Variants in LRRC59 observed in about 807,000 individuals in gnomAD.
LRRC59 encodes leucine rich repeat containing 59, also known as leucine-rich repeat-containing protein 59.
LRRC59 carries 18 observed loss-of-function variants against 33.5 expected under a neutral mutation model. The observed-to-expected ratio is 0.54, with a 90% CI of 0.37 to 0.80. The LOEUF is 0.80. Among genes scored for constraint, LRRC59 ranks in the 30% least tolerant of loss-of-function variants. The pLI, the probability that LRRC59 is intolerant of heterozygous loss-of-function variation, is 0.00. For missense variants in LRRC59, 330 were observed against 391.9 expected, an observed-to-expected ratio of 0.84 and a Z score of 1.33; for synonymous variants, 138 against 160.0, an observed-to-expected ratio of 0.86 and a Z score of 1.04.
chr17:50,394,894 C>T, intron 2 of LRRC59, 35 bp downstream of exon 2: 1 of 1,496,814 alleles, frequency 6.7e-7, no homozygotes, highest in Non-Finnish European at 9.2e-7. Flanking sequence ...GCATCCAAGG[C>T]ACCAGAAGGA....
chr17:50,382,198 A>G lies in LRRC59; in HGVS notation c.*790T>C, dbSNP rs1487002029. On this transcript the variant is annotated 3_prime_UTR_variant, in exon 7 of 7. Transcript: ENST00000225972. ...GACCTGATGATAGCAAGAGATTTCT[A>G]TCTCTGAGTCGTGAAATCTGTCTAC... is the stretch of plus-strand genomic sequence containing the variant. 6.6e-6 allele frequency: 1 copy of G among 152,382 alleles called. No individual in the cohort carries two copies. The highest frequency in any genetic ancestry group is 1.5e-5 in the Non-Finnish European group (1 of 68,038). The allele number at this position is 152,382 out of a possible 1,614,324, so 9.4% of individuals were successfully genotyped here.
In LRRC59 at chr17:50,382,908, AAG is replaced by A. The variant is rs2143349536; in HGVS notation, c.*78_*79del. The A allele has an allele frequency of 6.5e-7, 1 of 1,541,100 alleles. No individual in the cohort carries two copies. Among genetic ancestry groups the A allele is most frequent in the Non-Finnish European group, 8.8e-7 (1 of 1,139,636 alleles). ...GATGGCAGGTAGGTCTGATGCTAAA[AAG>A]AGGTTGTGTCCAGCAGAACCCAATT... On this transcript the variant is annotated 3_prime_UTR_variant, in exon 7 of 7. Coordinates refer to ENST00000225972, the MANE Select transcript of LRRC59 (RefSeq NM_018509.4).
rs1913878952 is a variant in LRRC59, at chr17:50,382,334, G to C, written c.*654C>G. The C allele has an allele frequency of 6.6e-6, 1 of 152,534 alleles. No homozygotes were observed. The allele number at this position is 152,534 out of a possible 1,614,324, so 9.4% of individuals were successfully genotyped here. A position where few individuals can be genotyped will look rare whatever the true frequency, so the allele number is the denominator to read the frequency against. Reference sequence around the variant, plus strand: ...GATGTAAAGGGAAGAAAGAATACCAGAGTGGGAATCCAGTTTTGCCTCAAA... The same window carrying C: ...GATGTAAAGGGAAGAAAGAATACCACAGTGGGAATCCAGTTTTGCCTCAAA... On this transcript the variant is annotated 3_prime_UTR_variant, in exon 7 of 7. Transcript: ENST00000225972.
intron 5 of LRRC59, among the ~76,000 whole-genome samples, chr17:50,387,704 T>G (rs926488583): frequency 2.0e-5 from 3 of 152,144 alleles, no homozygotes; most frequent in African/African-American, 7.2e-5. Context: ...ATTAACATCT[T>G]TCCTATTTTA....
At chr17:50,392,344 G>T in intron 4 of LRRC59, 54 bp downstream of exon 4, 1 of 1,445,058 alleles carries the variant, frequency 6.9e-7, no homozygotes, top group Non-Finnish European at 9.7e-7. Flanking sequence ...AACAGGAGGA[G>T]GAGAAATCCC....
chr17:50,395,108 G>T, intron 1 of LRRC59, 120 bp from the exon 2 acceptor site: 1 of 650,382 alleles, frequency 1.5e-6, no homozygotes, highest in East Asian at 2.8e-5. Flanking sequence ...TTTTAAAATG[G>T]CAGTAAAGAG....
At chr17:50,387,708 T>C (rs146178079) in intron 5 of LRRC59, among the ~76,000 whole-genome samples, 197 of 152,286 alleles carry the variant, frequency 1.3e-3, no homozygotes, top group African/African-American at 4.3e-3. Context: ...ACATCTTTCC[T>C]ATTTTAGGCT....
Position 50,397,342 on chromosome 17 carries a change from G to A in LRRC59, c.-25C>T, listed in dbSNP as rs762644981. 6.3e-7 allele frequency: 1 copy of A among 1,580,262 alleles called. No individual in the cohort carries two copies. The highest frequency in any genetic ancestry group is 2.3e-5 in the East Asian group (1 of 42,758). On this transcript the variant is annotated 5_prime_UTR_variant, in exon 1 of 7. Coordinates refer to ENST00000225972, the MANE Select transcript of LRRC59 (RefSeq NM_018509.4). ...TGGTAACGCCGGCTGAGCGGGCCCC[G>A]GCTCCGGGGTTCCGGCGGGTGAAAG... is the stretch of plus-strand genomic sequence containing the variant.
intron 4 of LRRC59, 69 bp from the exon 5 acceptor site, chr17:50,388,201 G>C (rs768803496): frequency 1.8e-4 from 259 of 1,428,606 alleles, no homozygotes; most frequent in Non-Finnish European, 1.9e-4. Flanking sequence ...TCAAAAAACA[G>C]ACTATTTTCA....
chr17:50,391,011 G>C (rs1696534808), intron 4 of LRRC59, among the ~76,000 whole-genome samples: 1 of 152,204 alleles, frequency 6.6e-6, no homozygotes, highest in Non-Finnish European at 1.5e-5. Flanking sequence ...TGAATGAATG[G>C]ATGGATGGAT....
chr17:50,383,200 G>A lies in LRRC59; in HGVS notation c.712C>T (p.Pro238Ser), dbSNP rs1461305042. The A allele has an allele frequency of 7.1e-6, 11 of 1,556,478 alleles. No homozygotes were observed. The highest frequency in any genetic ancestry group is 9.6e-6 in the Non-Finnish European group (11 of 1,149,766). ...GCCCAGGAACGAGTGTGCTTCCGGG[G>A]TGGTGGCTTGCGGGGACGGGAGCCA... ...KSGSRPRKPPPRKHTRSWAVL... is the reference protein window; with the variant it reads ...KSGSRPRKPPSRKHTRSWAVL... Residue 238 changes from proline (P) to serine (S), a missense_variant, in exon 7 of 7, where the codon CCC (proline) becomes TCC (serine). Physicochemically the swap from Pro to Ser is moderately conservative, Grantham distance 74 (BLOSUM62 -1). Coordinates refer to ENST00000225972, the MANE Select transcript of LRRC59 (RefSeq NM_018509.4).
intron 5 of LRRC59, among the ~76,000 whole-genome samples, chr17:50,385,711 G>C (rs772182171): frequency 6.6e-6 from 1 of 152,182 alleles, no homozygotes; most frequent in Admixed American, 6.5e-5. Flanking sequence ...CTTCAGAAAT[G>C]AATGTGGTAT....
chr17:50,382,420 T>C lies in LRRC59; in HGVS notation c.*568A>G, dbSNP rs1180764713. Reference sequence around the variant, plus strand: ...AGTTTCTCTGTCTGCAAGTGTTATATTGGACTGGATGGTCATGAAGTCCCT... The same window carrying C: ...AGTTTCTCTGTCTGCAAGTGTTATACTGGACTGGATGGTCATGAAGTCCCT... On this transcript the variant is annotated 3_prime_UTR_variant, in exon 7 of 7. Transcript: ENST00000225972. The C allele has an allele frequency of 6.5e-6, 1 of 153,726 alleles. No individual in the cohort carries two copies. The highest frequency in any genetic ancestry group is 1.9e-4 in the East Asian group (1 of 5,206). 9.5% of individuals were successfully genotyped at this position (153,726 alleles called of 1,614,324 possible). A position where few individuals can be genotyped will look rare whatever the true frequency, so the allele number is the denominator to read the frequency against.
rs543330812 is a variant in LRRC59, at chr17:50,397,469, C to T, written c.-152G>A. 8 of 533,316 alleles carry T rather than the reference C, an allele frequency of 1.5e-5. No homozygotes were observed. The highest frequency in any genetic ancestry group is 2.3e-5 in the Non-Finnish European group (7 of 306,454). The allele number at this position is 533,316 out of a possible 1,614,324, so 33.0% of individuals were successfully genotyped here. ...CGAGACCGCCTCCGCCCGCTGGCCG[C>T]ACTCCGAGCCTCGCGCCTAGCTCCC... On this transcript the variant is annotated 5_prime_UTR_variant, in exon 1 of 7. Transcript: ENST00000225972.
intron 1 of LRRC59, 63 bp from the exon 2 acceptor site, chr17:50,395,051 G>T: frequency 1.8e-6 from 2 of 1,112,726 alleles, no homozygotes; most frequent in Non-Finnish European, 1.4e-6. Context: ...ACTGACATAT[G>T]TTAATGAAGC....
chr17:50,384,856 C>G (rs565607141), intron 6 of LRRC59, among the ~76,000 whole-genome samples: 8 of 152,110 alleles, frequency 5.3e-5, no homozygotes, highest in Non-Finnish European at 1.2e-4. Flanking sequence ...AAGTGAGACT[C>G]TGTTCTGGGA....
chr17:50,388,156 A>G, intron 4 of LRRC59, 24 bp from the exon 5 acceptor site: 3 of 1,607,476 alleles, frequency 1.9e-6, no homozygotes, highest in Non-Finnish European at 2.6e-6. Context: ...GGAGGAAAGT[A>G]GTGCTCTTCA....
intron 4 of LRRC59, among the ~76,000 whole-genome samples, chr17:50,389,305 C>A (rs1163572706): frequency 2.0e-5 from 3 of 152,138 alleles, no homozygotes; most frequent in African/African-American, 4.8e-5. Flanking sequence ...GAGGTAAAGA[C>A]CTTTTCTGTT....
rs1432635465 is a variant in LRRC59, at chr17:50,382,295, A to G, written c.*693T>C. On this transcript the variant is annotated 3_prime_UTR_variant, in exon 7 of 7. Transcript: ENST00000225972. ...GAGTTCTGGTCTCTCAGGACATTATAAAGGAGGGAAAATGATGTAAAGGGA... is the reference window on the plus strand; with the variant it reads ...GAGTTCTGGTCTCTCAGGACATTATGAAGGAGGGAAAATGATGTAAAGGGA... 1 of 152,372 alleles carries G rather than the reference A, an allele frequency of 6.6e-6. No homozygotes were observed. The highest frequency in any genetic ancestry group is 1.5e-5 in the Non-Finnish European group (1 of 68,188). The allele number at this position is 152,372 out of a possible 1,614,324, so 9.4% of individuals were successfully genotyped here.
Sources: allele counts gnomAD v4.1 joint callset (sites outside exome capture counted in the v4.1 genomes callset), GRCh38; gene constraint gnomAD v4.1.1; transcripts MANE v1.5; gene names NCBI Gene and HGNC (gene_info 2026-07-23, HGNC 2026-07-21).